Variants in ANKS6 observed in about 807,000 individuals in gnomAD.
The protein encoded by ANKS6 is ankyrin repeat and sterile alpha motif domain containing 6.
In ANKS6, 47 loss-of-function variants were observed where a neutral mutation model predicts 77.9. The ratio of observed to expected loss-of-function variants is 0.60; its 90% CI spans 0.48 to 0.77. The LOEUF is 0.77. Among genes scored for constraint, ANKS6 ranks in the 30% least tolerant of loss-of-function variants. The pLI, the probability that ANKS6 is intolerant of heterozygous loss-of-function variation, is 0.00. For missense variants in ANKS6, 1,150 were observed against 1,159.1 expected, an observed-to-expected ratio of 0.99 and a Z score of 0.11; for synonymous variants, 488 against 501.7, an observed-to-expected ratio of 0.97 and a Z score of 0.37.
In ANKS6 at chr9:98,750,589, G is replaced by C. The variant is rs145948003; in HGVS notation, c.2394+440C>G. On this transcript the variant is annotated intron_variant, in intron 13 of 14. Transcript: ENST00000353234. ...ACTCTATATTTAATATTTTGAGGAAGTGCCAAACTGCAGAACAGTATTCTT... is the reference window on the plus strand; with the variant it reads ...ACTCTATATTTAATATTTTGAGGAACTGCCAAACTGCAGAACAGTATTCTT... Among the ~76,000 whole-genome samples, 796 of 152,240 alleles carry C rather than the reference G, an allele frequency of 5.2e-3. 7 individuals are homozygous for C. Among genetic ancestry groups the C allele is most frequent in the African/African-American group, 0.018 (746 of 41,536 alleles).
chr9:98,790,849 C>T (rs1358812968), intron 1 of ANKS6, among the ~76,000 whole-genome samples: 1 of 152,178 alleles, frequency 6.6e-6, no homozygotes, highest in African/African-American at 2.4e-5. Context: ...TTAGGAAGAA[C>T]TTTGATTTCT....
In ANKS6 at chr9:98,732,432, T is replaced by C. The variant is rs1346949146; in HGVS notation, c.*4087A>G. 1 of 1,491,160 alleles carries C rather than the reference T, an allele frequency of 6.7e-7. No homozygotes were observed. The highest frequency in any genetic ancestry group is 9.1e-7 in the Non-Finnish European group (1 of 1,095,716). The allele number at this position is 1,491,160 out of a possible 1,614,324, so 92.4% of individuals were successfully genotyped here. A position where few individuals can be genotyped will look rare whatever the true frequency, so the allele number is the denominator to read the frequency against. Reference sequence around the variant, plus strand: ...CAGCAAGACCCAGAGTCAGGCACATTTGGAGGGCAGGTCCATCGGCCACTC... The same window carrying C: ...CAGCAAGACCCAGAGTCAGGCACATCTGGAGGGCAGGTCCATCGGCCACTC... On this transcript the variant is annotated 3_prime_UTR_variant, in exon 15 of 15. Transcript: ENST00000353234.
chr9:98,763,229 A>T (rs1488767445), intron 11 of ANKS6, among the ~76,000 whole-genome samples: 1 of 14,348 alleles, frequency 7.0e-5, no homozygotes, highest in Non-Finnish European at 2.0e-4. Context: ...AAATTCACCA[A>T]AAGAGATCAC....
chr9:98,762,495 C>T (rs1200055333), intron 11 of ANKS6, among the ~76,000 whole-genome samples: 2 of 152,126 alleles, frequency 1.3e-5, no homozygotes, highest in Non-Finnish European at 2.9e-5. Context: ...ATCCTTGTTC[C>T]CAGTCTTAGG....
Position 98,733,171 on chromosome 9 carries a change from A to T in ANKS6, c.*3348T>A. The T allele has an allele frequency of 1.0e-6, 1 of 980,000 alleles. No homozygotes were observed. Among genetic ancestry groups the T allele is most frequent in the Non-Finnish European group, 1.2e-6 (1 of 825,010 alleles). 60.7% of individuals were successfully genotyped at this position (980,000 alleles called of 1,614,324 possible). A position where few individuals can be genotyped will look rare whatever the true frequency, so the allele number is the denominator to read the frequency against. On this transcript the variant is annotated 3_prime_UTR_variant, in exon 15 of 15. Transcript: ENST00000353234. ...CAGAGCGTACGAGTAGGGCTGGCAC[A>T]GGGTAGATGCTCAGTAAACGTTCGG...
chr9:98,743,329 G>C (rs762495286), intron 14 of ANKS6, among the ~76,000 whole-genome samples: 12 of 134,486 alleles, frequency 8.9e-5, no homozygotes, highest in Non-Finnish European at 1.4e-4. Flanking sequence ...TTACTTGACT[G>C]AGTCACCCTT....
chr9:98,785,244 AT>A (rs552789355), intron 2 of ANKS6, among the ~76,000 whole-genome samples: 14 of 152,246 alleles, frequency 9.2e-5, no homozygotes, highest in African/African-American at 2.6e-4. Flanking sequence ...TTGTTTAAAA[AT>A]TTTTTTTCTT....
intron 11 of ANKS6, among the ~76,000 whole-genome samples, chr9:98,765,384 T>C (rs913671714): frequency 6.6e-6 from 1 of 152,232 alleles, no homozygotes; most frequent in Admixed American, 6.5e-5. Context: ...TCCCTCTGTA[T>C]GTAGTTCTGT....
chr9:98,745,012 TGC>T (rs1564177083), intron 14 of ANKS6, among the ~76,000 whole-genome samples: 3 of 152,192 alleles, frequency 2.0e-5, no homozygotes, highest in Non-Finnish European at 2.9e-5. Context: ...GGTGTGTGTG[TGC>T]CTTTGGGTGG....
chr9:98,764,460 T>G (rs2117985547), intron 11 of ANKS6, among the ~76,000 whole-genome samples: 1 of 152,322 alleles, frequency 6.6e-6, no homozygotes, highest in East Asian at 1.9e-4. Context: ...ATATTCCTTC[T>G]GCCCCACCTC....
chr9:98,783,142 G>A (rs1834373359), intron 4 of ANKS6, among the ~76,000 whole-genome samples: 1 of 141,536 alleles, frequency 7.1e-6, no homozygotes, highest in Non-Finnish European at 1.5e-5. Context: ...AGGGGAGGGG[G>A]AGGGGAGAGG....
rs1831391180 is a variant in ANKS6 at position 98,734,679 on chromosome 9, A to C, written c.*1840T>G. ...ACTGGCAAGCTGCTTCCCTCTCCTA[A>C]GCATCCGTTTCCCGAATGTGCAAGA... is the stretch of plus-strand genomic sequence containing the variant. On this transcript the variant is annotated 3_prime_UTR_variant, in exon 15 of 15. Transcript: ENST00000353234. 1 of 932,292 alleles carries C rather than the reference A, an allele frequency of 1.1e-6. No individual in the cohort carries two copies. 57.8% of individuals were successfully genotyped at this position (932,292 alleles called of 1,614,324 possible).
intron 6 of ANKS6, 59 bp from the exon 7 acceptor site, chr9:98,778,483 A>G: frequency 5.2e-6 from 8 of 1,536,240 alleles, no homozygotes; most frequent in Non-Finnish European, 7.1e-6. Flanking sequence ...GACCAGGCCC[A>G]GGACCTGCCA....
intron 9 of ANKS6, among the ~76,000 whole-genome samples, chr9:98,771,922 G>T (rs1833658979): frequency 6.6e-6 from 1 of 152,166 alleles, no homozygotes; most frequent in African/African-American, 2.4e-5. Flanking sequence ...TACTGCGGTT[G>T]CCTGTGTGTA....
At chr9:98,743,234 G>C (rs1169294166) in intron 14 of ANKS6, among the ~76,000 whole-genome samples, 1 of 152,162 alleles carries the variant, frequency 6.6e-6, no homozygotes, top group Admixed American at 6.5e-5. Flanking sequence ...AGGCGAAGAG[G>C]AGAAAGGGTC....
chr9:98,794,145 T>A (rs1351373126), intron 1 of ANKS6, among the ~76,000 whole-genome samples: 1 of 21,218 alleles, frequency 4.7e-5, no homozygotes, highest in Non-Finnish European at 9.1e-5. Flanking sequence ...CGAGACTCCG[T>A]CTCAAAAAAA....
At chr9:98,744,338 C>G (rs973160703) in intron 14 of ANKS6, among the ~76,000 whole-genome samples, 1 of 152,200 alleles carries the variant, frequency 6.6e-6, no homozygotes. Context: ...GCCGCCTCTG[C>G]ACAGCACAGT....
At position 98,752,217 on chromosome 9, in the gene ANKS6, G is replaced by A. The variant is rs558770327; in HGVS notation, c.2327-1121C>T. On this transcript the variant is annotated intron_variant, in intron 12 of 14. Transcript: ENST00000353234. ...ACGCTGTTTTACAGAAGATGGTCACGGAAAGACTCTCCTATAAGGTGATCT... is the reference window on the plus strand; with the variant it reads ...ACGCTGTTTTACAGAAGATGGTCACAGAAAGACTCTCCTATAAGGTGATCT... 5.3e-5 allele frequency among the ~76,000 whole-genome samples: 8 copies of A among 152,326 alleles called. No homozygotes were observed. The East Asian group carries it at 7.7e-4, about 15-fold the overall frequency.
rs1309145135 is a variant in ANKS6 at position 98,751,030 on chromosome 9, T to C, written c.2393A>G (p.Glu798Gly). Residue 798 changes from glutamate to glycine, a missense_variant and splice_region_variant, in exon 13 of 15, where the codon GAG becomes GGG. Physicochemically the swap from Glu to Gly is moderately conservative, Grantham distance 98. Coordinates refer to ENST00000353234, the MANE Select transcript of ANKS6 (RefSeq NM_173551.5). ...GACATTCAAAAAGAGCATTCTTACCTCTTGTTCCTCAAAAATGGGCTGATA... is the reference window on the plus strand; with the variant it reads ...GACATTCAAAAAGAGCATTCTTACCCCTTGTTCCTCAAAAATGGGCTGATA... The part of the protein sequence containing the change: ...EKYQPIFEEQ[E>G]VDMEAFLTLT... The C allele has an allele frequency of 6.2e-7, 1 of 1,607,796 alleles. No homozygotes were observed. Among genetic ancestry groups the C allele is most frequent in the Non-Finnish European group, 8.5e-7 (1 of 1,176,748 alleles).
Sources: gnomAD v4.1 joint callset for allele counts (sites outside exome capture counted in the v4.1 genomes callset) on GRCh38, gnomAD v4.1.1 for gene constraint, MANE v1.5 for transcripts, NCBI Gene and HGNC (gene_info 2026-07-23, HGNC 2026-07-21) for gene names.